The following AMOTL1 variants were observed in gnomAD, a reference collection of about 807,000 sequenced individuals.
The protein encoded by AMOTL1 is angiomotin like 1, also known as angiomotin-like protein 1.
AMOTL1 carries 45 observed loss-of-function variants against 102.9 expected under a neutral mutation model. The observed-to-expected ratio is 0.44, with a 90% CI of 0.34 to 0.56. The LOEUF is 0.56. Among genes scored for constraint, AMOTL1 ranks in the 20% least tolerant of loss-of-function variants. AMOTL1 has a pLI of 0.01. For missense variants in AMOTL1, 1,114 were observed against 1,225.6 expected, an observed-to-expected ratio of 0.91 and a Z score of 1.36; for synonymous variants, 481 against 484.7, an observed-to-expected ratio of 0.99 and a Z score of 0.10.
chr11:94,857,373 T>C (rs1259462625), intron 8 of AMOTL1, among the ~76,000 whole-genome samples: 3 of 152,134 alleles, frequency 2.0e-5, no homozygotes, highest in African/African-American at 7.2e-5. Context: ...CTAGCCTCAT[T>C]GAAAACAAGG....
intron 1 of AMOTL1, among the ~76,000 whole-genome samples, chr11:94,710,224 G>A (rs1591876211): frequency 6.6e-6 from 1 of 152,192 alleles, no homozygotes; most frequent in South Asian, 2.1e-4. Context: ...ACTGCCCAGA[G>A]GTGCCACCTG....
intron 1 of AMOTL1, chr11:94,728,896 T>C: frequency 8.9e-7 from 1 of 1,117,908 alleles, no homozygotes; most frequent in Non-Finnish European, 1.2e-6. Flanking sequence ...TCAAATCCCT[T>C]TTTTATATTC....
At chr11:94,837,540 T>C (rs1240633397) in intron 6 of AMOTL1, among the ~76,000 whole-genome samples, 1 of 152,172 alleles carries the variant, frequency 6.6e-6, no homozygotes, top group African/African-American at 2.4e-5. Flanking sequence ...TTAAGCCCAC[T>C]TGATCAACCT....
chr11:94,734,137 T>C (rs1190426128), intron 2 of AMOTL1, among the ~76,000 whole-genome samples: 2 of 152,240 alleles, frequency 1.3e-5, no homozygotes, highest in African/African-American at 2.4e-5. Context: ...AAATGAACCA[T>C]TGGCTTCCTG....
intron 8 of AMOTL1, among the ~76,000 whole-genome samples, chr11:94,858,716 C>T (rs1565384550): frequency 6.6e-6 from 1 of 152,228 alleles, no homozygotes; most frequent in Admixed American, 6.5e-5. Context: ...TCCAAGATAA[C>T]TTATCTCTGC....
chr11:94,785,949 G>A (rs149590448), intron 1 of AMOTL1, among the ~76,000 whole-genome samples: 31 of 152,292 alleles, frequency 2.0e-4, no homozygotes, highest in African/African-American at 7.2e-4. Context: ...TTCACTCTCA[G>A]TGGGACCACA....
At chr11:94,729,291 G>A (rs1432472184) in intron 2 of AMOTL1, among the ~76,000 whole-genome samples, 1 of 152,150 alleles carries the variant, frequency 6.6e-6, no homozygotes, top group Admixed American at 6.5e-5. Context: ...TCTAACATGA[G>A]AGTAAGAATG....
At chr11:94,732,086 C>T (rs1950363358) in intron 2 of AMOTL1, among the ~76,000 whole-genome samples, 1 of 152,212 alleles carries the variant, frequency 6.6e-6, no homozygotes, top group Non-Finnish European at 1.5e-5. Context: ...TTCCCTACCT[C>T]ACCTCTCCCC....
At chr11:94,771,172 A>G (rs1950943428) in intron 1 of AMOTL1, among the ~76,000 whole-genome samples, 1 of 149,248 alleles carries the variant, frequency 6.7e-6, no homozygotes, top group Non-Finnish European at 1.5e-5. Context: ...ATTAAAAAGA[A>G]GTAACTTTAT....
chr11:94,725,201 T>C (rs1053851109), intron 1 of AMOTL1, among the ~76,000 whole-genome samples: 3 of 152,054 alleles, frequency 2.0e-5, no homozygotes, highest in African/African-American at 7.2e-5. Flanking sequence ...TCCAGTGGCA[T>C]GCTGGGTACA....
intron 1 of AMOTL1, among the ~76,000 whole-genome samples, chr11:94,779,037 A>T (rs994598521): frequency 5.9e-5 from 9 of 152,154 alleles, no homozygotes; most frequent in Non-Finnish European, 1.0e-4. Context: ...TGGAAAATAG[A>T]TATAATTATA....
chr11:94,866,040 G>C lies in AMOTL1; in HGVS notation c.2360G>C (p.Ser787Thr). The C allele has an allele frequency of 1.2e-6, 2 of 1,613,972 alleles. No individual in the cohort carries two copies. Among genetic ancestry groups the C allele is most frequent in the African/African-American group, 2.7e-5 (2 of 75,040 alleles). Residue 787 changes from serine to threonine, a missense_variant, in exon 11 of 13, where the codon AGC (serine) becomes ACC (threonine). Transcript: ENST00000433060. ...RKDAGKTDSSSLRPARSVPSI... is the reference protein window; with the variant it reads ...RKDAGKTDSSTLRPARSVPSI... ...GATGCCGGGAAGACAGACTCCTCCA[G>C]CCTACGTCCTGCCCGCTCCGTTCCA...
At chr11:94,853,465 C>T (rs1327342803) in intron 7 of AMOTL1, among the ~76,000 whole-genome samples, 1 of 152,206 alleles carries the variant, frequency 6.6e-6, no homozygotes, top group South Asian at 2.1e-4. Flanking sequence ...CATGTCCCTA[C>T]AGAGGACGTG....
chr11:94,745,833 C>G (rs1027042837), intron 3 of AMOTL1, among the ~76,000 whole-genome samples: 3 of 152,152 alleles, frequency 2.0e-5, no homozygotes, highest in Non-Finnish European at 2.9e-5. Context: ...GTTATCCCAC[C>G]TACTAATCAA....
intron 2 of AMOTL1, chr11:94,797,150 A>G: frequency 2.7e-6 from 1 of 373,804 alleles, no homozygotes; most frequent in Non-Finnish European, 3.7e-6. Flanking sequence ...CACATGAAAC[A>G]TAGAGCCATC....
chr11:94,783,214 T>C, intron 1 of AMOTL1, among the ~76,000 whole-genome samples: 1 of 152,220 alleles, frequency 6.6e-6, no homozygotes, highest in East Asian at 1.9e-4. Flanking sequence ...AGTGCTTTAG[T>C]ATCCTCATCT....
At chr11:94,767,206 T>G (rs927493629), upstream of AMOTL1, among the ~76,000 whole-genome samples, 1 of 150,532 alleles carries the variant, frequency 6.6e-6, no homozygotes, top group African/African-American at 2.5e-5. Context: ...AAGTTTCTTT[T>G]GTGTGCTAAG....
intron 3 of AMOTL1, among the ~76,000 whole-genome samples, chr11:94,759,388 A>G (rs1950764664): frequency 2.0e-5 from 3 of 152,156 alleles, no homozygotes; most frequent in African/African-American, 4.8e-5. Flanking sequence ...AGTATGGCAA[A>G]TCATATTTTA....
At chr11:94,773,971 A>C (rs2851589) in intron 1 of AMOTL1, among the ~76,000 whole-genome samples, 5 of 152,148 alleles carry the variant, frequency 3.3e-5, no homozygotes, top group Non-Finnish European at 7.3e-5. Context: ...GGAATTGTAC[A>C]TGCTGAAGCC....
Sources: allele counts gnomAD v4.1 joint callset (sites outside exome capture counted in the v4.1 genomes callset), GRCh38; gene constraint gnomAD v4.1.1; transcripts MANE v1.5; gene names NCBI Gene and HGNC (gene_info 2026-07-23, HGNC 2026-07-21).